NUBPL: variants seen among roughly 807,000 people sequenced by gnomAD.
NUBPL encodes the protein NUBP iron-sulfur cluster assembly factor, mitochondrial.
In NUBPL, 31 loss-of-function variants were observed where a neutral mutation model predicts 45.7. The ratio of observed to expected loss-of-function variants is 0.68; its 90% CI spans 0.51 to 0.92. The LOEUF is 0.92. Ranked by LOEUF, NUBPL falls within the 40% of genes least tolerant of loss-of-function variation. The pLI is 0.00. For synonymous variants in NUBPL, 144 were observed against 140.9 expected (o/e 1.02, Z -0.15); for missense variants, 401 against 398.7 (o/e 1.01, Z -0.05).
chr14:31,585,485 C>T (rs900809190), intron 3 of NUBPL, among the ~76,000 whole-genome samples: 3 of 152,158 alleles, frequency 2.0e-5, no homozygotes, highest in African/African-American at 7.2e-5. Flanking sequence ...TTTTGGCTAT[C>T]ATGACTCATG....
intron 7 of NUBPL, among the ~76,000 whole-genome samples, chr14:31,809,897 G>A (rs1040730352): frequency 1.9e-4 from 29 of 152,168 alleles, no homozygotes; most frequent in Middle Eastern, 3.2e-3. Flanking sequence ...TCAGGAGCAG[G>A]TTGTTAAGTT....
At chr14:31,676,680 C>T (rs2036707157) in intron 6 of NUBPL, among the ~76,000 whole-genome samples, 1 of 151,880 alleles carries the variant, frequency 6.6e-6, no homozygotes, top group South Asian at 2.1e-4. Context: ...TAATATTGAG[C>T]CCTTTTCCAC....
rs553623966 is a variant in NUBPL at position 31,636,939 on chromosome 14, C to A, written c.383-36416C>A. ...TTTCTGTGGGATCAGTGGTGATATC[C>A]CATTTATCATTTTTTATTGTGTCTA... On this transcript the variant is annotated intron_variant, in intron 4 of 10. Coordinates refer to ENST00000281081, the MANE Select transcript of NUBPL (RefSeq NM_025152.3). Among the ~76,000 whole-genome samples, 102 of 152,114 alleles carry A rather than the reference C, an allele frequency of 6.7e-4. 1 individual carries two copies. Among genetic ancestry groups the A allele is most frequent in the Middle Eastern group, 3.4e-3 (1 of 294 alleles).
intron 6 of NUBPL, 31 bp downstream of exon 6, chr14:31,673,605 C>T (rs1480286119): frequency 1.3e-6 from 2 of 1,563,788 alleles, no homozygotes; most frequent in East Asian, 2.2e-5. Flanking sequence ...ATCATTTTAT[C>T]ATTGGCAAAG....
In NUBPL at chr14:31,776,859, G is replaced by A. The variant is rs78958043; in HGVS notation, c.514-10921G>A. ...GGTTAGAGAAATGAAATTGTTTAGT[G>A]CTCAGGATTATGTTTCAGAAGAAGT... On this transcript the variant is annotated intron_variant, in intron 6 of 10. Transcript: ENST00000281081. 7.1e-3 allele frequency among the ~76,000 whole-genome samples: 1,085 copies of A among 152,294 alleles called. 47 individuals carry two copies. In the East Asian group the frequency reaches 0.085, roughly 12 times the overall value.
intron 4 of NUBPL, among the ~76,000 whole-genome samples, chr14:31,622,596 C>G (rs78123272): frequency 0.038 from 5,729 of 152,298 alleles, 248 homozygotes; most frequent in African/African-American, 0.11. Flanking sequence ...CCCAGACACT[C>G]TAGCTCCAGC....
intron 7 of NUBPL, among the ~76,000 whole-genome samples, chr14:31,806,933 G>T (rs150987741): frequency 3.5e-4 from 54 of 152,118 alleles, no homozygotes; most frequent in African/African-American, 1.2e-3. Flanking sequence ...CATCCATGTC[G>T]CTACACAGGA....
At position 31,769,345 on chromosome 14, in the gene NUBPL, A is replaced by G. The variant is rs1247236188; in HGVS notation, c.514-18435A>G. On this transcript the variant is annotated intron_variant, in intron 6 of 10. Coordinates refer to ENST00000281081, the MANE Select transcript of NUBPL (RefSeq NM_025152.3). The stretch of plus-strand genomic sequence containing the variant: ...TTATTTTCTCAACCTTCAAGGAGTC[A>G]TGATTGAATCCCCTCCTAGCTCCTT... 5.9e-5 allele frequency among the ~76,000 whole-genome samples: 9 copies of G among 152,194 alleles called. 1 individual carries two copies. Among genetic ancestry groups the G allele is most frequent in the Admixed American group, 5.2e-4 (8 of 15,278 alleles).
intron 6 of NUBPL, among the ~76,000 whole-genome samples, chr14:31,698,791 G>C (rs115387717): frequency 2.4e-4 from 36 of 150,590 alleles, no homozygotes; most frequent in African/African-American, 7.8e-4. Flanking sequence ...CTTATTTTTC[G>C]TATTATTATT....
intron 6 of NUBPL, among the ~76,000 whole-genome samples, chr14:31,761,824 T>A (rs2038816190): frequency 6.6e-6 from 1 of 152,166 alleles, no homozygotes; most frequent in Admixed American, 6.5e-5. Context: ...TCCTTGTGTA[T>A]GGGATAGCAC....
chr14:31,746,930 T>A (rs1054496714), intron 6 of NUBPL, among the ~76,000 whole-genome samples: 8 of 151,638 alleles, frequency 5.3e-5, no homozygotes, highest in African/African-American at 1.9e-4. Flanking sequence ...ATTAGCCAGA[T>A]GTGGTGGCTT....
chr14:31,817,197 T>C (rs1013960143), intron 7 of NUBPL, among the ~76,000 whole-genome samples: 8 of 152,138 alleles, frequency 5.3e-5, no homozygotes, highest in East Asian at 1.9e-4. Context: ...CTACGTTTCA[T>C]TGGTGTACCT....
At chr14:31,674,722 C>CAAAG (rs2036651882) in intron 6 of NUBPL, among the ~76,000 whole-genome samples, 1 of 152,178 alleles carries the variant, frequency 6.6e-6, no homozygotes, top group Non-Finnish European at 1.5e-5. Context: ...CACAACACTT[C>CAAAG]AGTCATCAGA....
intron 7 of NUBPL, among the ~76,000 whole-genome samples, chr14:31,815,301 A>C (rs956975526): frequency 6.6e-6 from 1 of 152,040 alleles, no homozygotes; most frequent in Non-Finnish European, 1.5e-5. Flanking sequence ...CTTTGTAGCA[A>C]TTGTGAATGG....
chr14:31,694,072 G>A (rs1406478479), intron 6 of NUBPL, among the ~76,000 whole-genome samples: 1 of 151,968 alleles, frequency 6.6e-6, no homozygotes, highest in African/African-American at 2.4e-5. Context: ...AGCCAGGGTG[G>A]TCTTGATCTC....
chr14:31,628,693 A>G (rs2035269655), intron 4 of NUBPL, among the ~76,000 whole-genome samples: 1 of 152,116 alleles, frequency 6.6e-6, no homozygotes. Flanking sequence ...CCTCTAGTTC[A>G]GCTTGCAACT....
At chr14:31,825,117 C>T (rs2040076312) in intron 7 of NUBPL, among the ~76,000 whole-genome samples, 1 of 152,152 alleles carries the variant, frequency 6.6e-6, no homozygotes, top group Admixed American at 6.6e-5. Flanking sequence ...GTTCAGGCCT[C>T]TACCATTTTG....
intron 6 of NUBPL, among the ~76,000 whole-genome samples, chr14:31,777,579 C>G (rs1300985718): frequency 6.6e-6 from 1 of 152,158 alleles, no homozygotes; most frequent in African/African-American, 2.4e-5. Context: ...TGAGGAGGAT[C>G]ATTAAGACTT....
At chr14:31,638,847 A>G (rs1295306909) in intron 4 of NUBPL, among the ~76,000 whole-genome samples, 3 of 151,998 alleles carry the variant, frequency 2.0e-5, no homozygotes, top group Non-Finnish European at 2.9e-5. Flanking sequence ...ATCTTCCATC[A>G]CTGATACCCT....
Sources: allele counts gnomAD v4.1 joint callset (sites outside exome capture counted in the v4.1 genomes callset), GRCh38; gene constraint gnomAD v4.1.1; transcripts MANE v1.5; gene names NCBI Gene and HGNC (gene_info 2026-07-23, HGNC 2026-07-21).